SYTL2: variants seen among roughly 807,000 people sequenced by gnomAD.
SYTL2 encodes synaptotagmin like 2.
In SYTL2, 165 loss-of-function variants were observed where a neutral mutation model predicts 198.7. The ratio of observed to expected loss-of-function variants is 0.83; its 90% CI spans 0.73 to 0.94. SYTL2 has a LOEUF of 0.94. Ranked by LOEUF, SYTL2 falls within the 40% of genes least tolerant of loss-of-function variation. The probability of loss-of-function intolerance (pLI) is 0.00; values close to 1 mark genes in which losing one functional copy is unlikely to be tolerated. For synonymous variants in SYTL2, 966 were observed against 917.7 expected, an observed-to-expected ratio of 1.05 and a Z score of -0.95; for missense variants, 2,835 against 2,582.8, an observed-to-expected ratio of 1.10 and a Z score of -2.12.
intron 1 of SYTL2, among the ~76,000 whole-genome samples, chr11:85,809,778 A>G (rs929246716): frequency 2.6e-5 from 4 of 152,156 alleles, no homozygotes; most frequent in African/African-American, 9.7e-5. Flanking sequence ...TGCCGTCCCC[A>G]CACCTCTTCT....
At chr11:85,763,525 C>T (rs906236944) in intron 1 of SYTL2, among the ~76,000 whole-genome samples, 2 of 152,190 alleles carry the variant, frequency 1.3e-5, no homozygotes, top group Non-Finnish European at 2.9e-5. Flanking sequence ...CCAGCAGGCT[C>T]TGCTGTGAGG....
chr11:85,743,399 T>C (rs990259979), intron 4 of SYTL2, among the ~76,000 whole-genome samples: 1 of 152,228 alleles, frequency 6.6e-6, no homozygotes, highest in African/African-American at 2.4e-5. Flanking sequence ...GAGCAAAGCA[T>C]CCTGGATACG....
chr11:85,708,217 T>A (rs1455150849), intron 14 of SYTL2: 1 of 379,642 alleles, frequency 2.6e-6, no homozygotes, highest in Non-Finnish European at 5.1e-6. Context: ...TTTGTTCCCC[T>A]AGTTTGTTCC....
intron 4 of SYTL2, among the ~76,000 whole-genome samples, chr11:85,738,245 C>G (rs1038048754): frequency 3.9e-5 from 6 of 152,304 alleles, no homozygotes; most frequent in African/African-American, 1.2e-4. Context: ...TTCCTGCAGC[C>G]TCATTTCTTT....
At chr11:85,710,160 C>G (rs1257447634) in intron 13 of SYTL2, among the ~76,000 whole-genome samples, 1 of 152,050 alleles carries the variant, frequency 6.6e-6, no homozygotes, top group African/African-American at 2.4e-5. Context: ...GTGAGAAAAC[C>G]CAGACACTCT....
chr11:85,749,461 A>C (rs1307899394), intron 2 of SYTL2, among the ~76,000 whole-genome samples: 1 of 152,218 alleles, frequency 6.6e-6, no homozygotes, highest in African/African-American at 2.4e-5. Flanking sequence ...AGGTGGTAGC[A>C]GCGCTGCATG....
the SYTL2 span, among the ~76,000 whole-genome samples, chr11:85,851,356 G>C: frequency 1.3e-5 from 2 of 152,158 alleles, no homozygotes; most frequent in Non-Finnish European, 2.9e-5. Flanking sequence ...GAACTGGTTC[G>C]CAAAGGCAGT....
chr11:85,850,358 G>A, the SYTL2 span, among the ~76,000 whole-genome samples: 10 of 152,132 alleles, frequency 6.6e-5, no homozygotes, highest in South Asian at 8.3e-4. Context: ...ATCAAAAAGC[G>A]GGCAAAGGAC....
Position 85,733,993 on chromosome 11 carries a change from C to T in SYTL2, c.1336G>A (p.Asp446Asn). The part of the protein sequence containing the change: ...ENSPTINEPK[D>N]KSSELTRLES... ...AGCCTTGTTAATTCTGATGATTTAT[C>T]TTTGGGTTCATTGATGGTTGGTGAA... The change falls in exon 7 of 20, where the codon GAT (aspartate) becomes AAT (asparagine). Residue 446 changes from aspartate to asparagine, a missense_variant. Coordinates refer to ENST00000359152, the MANE Select transcript of SYTL2 (RefSeq NM_206927.4). The T allele has an allele frequency of 6.2e-7, 1 of 1,614,128 alleles. No individual in the cohort carries two copies. Among genetic ancestry groups the T allele is most frequent in the African/African-American group, 1.3e-5 (1 of 75,048 alleles).
chr11:85,711,571 T>C (rs1018321110), intron 12 of SYTL2, among the ~76,000 whole-genome samples: 3 of 152,208 alleles, frequency 2.0e-5, no homozygotes, highest in Non-Finnish European at 4.4e-5. Flanking sequence ...GGAACTCTAT[T>C]GGTATATATG....
chr11:85,830,712 G>A, the SYTL2 span, among the ~76,000 whole-genome samples: 5 of 152,318 alleles, frequency 3.3e-5, no homozygotes, highest in South Asian at 8.3e-4. Context: ...ATCCTGTGGT[G>A]GGACAATTTT....
Position 85,711,174 on chromosome 11 carries a change from T to C in SYTL2, c.5684A>G (p.Lys1895Arg). The C allele has an allele frequency of 1.9e-6, 3 of 1,614,064 alleles. No homozygotes were observed. The highest frequency in any genetic ancestry group is 2.5e-6 in the Non-Finnish European group (3 of 1,179,914). ...SESSYQLSRH[K>R]KSPSSLTNLS... ...ATTGGTTAAAGAGCTCGGGCTCTTC[T>C]TGTGTCTGCTGAGCTGGTAACTGCT... The change falls in exon 13 of 20, where the codon AAG becomes AGG. Residue 1895 changes from lysine (K) to arginine (R), a missense_variant. Lys to Arg is a conservative substitution (Grantham distance 26, BLOSUM62 2). Around this residue, in one of 3 missense-constraint regions of SYTL2, gnomAD observed 2,645 missense variants for 2,381.7 expected, o/e 1.11. Transcript: ENST00000359152.
chr11:85,765,646 C>T (rs1184668649), intron 1 of SYTL2, among the ~76,000 whole-genome samples: 2 of 152,190 alleles, frequency 1.3e-5, no homozygotes, highest in East Asian at 1.9e-4. Context: ...CTTTCTACTT[C>T]ATTCATCTCC....
At chr11:85,833,102 G>GAAAGAAAGAAAGAAA in the SYTL2 span, among the ~76,000 whole-genome samples, 1 of 28,240 alleles carries the variant, frequency 3.5e-5, no homozygotes, top group East Asian at 9.0e-4. Context: ...AAAGAAAGAA[G>GAAAGAAAGAAAGAAA]GAAGGAAGGA....
Position 85,702,858 on chromosome 11 carries a change from C to T in SYTL2, c.6189+2000G>A, listed in dbSNP as rs112023363. Among the ~76,000 whole-genome samples, 177 of 152,196 alleles carry T rather than the reference C, an allele frequency of 1.2e-3. 1 individual carries two copies. Among genetic ancestry groups the T allele is most frequent in the African/African-American group, 3.7e-3 (152 of 41,530 alleles). On this transcript the variant is annotated intron_variant, in intron 16 of 19. Coordinates refer to ENST00000359152, the MANE Select transcript of SYTL2 (RefSeq NM_206927.4). Reference sequence around the variant, plus strand: ...GCAGGACTCACAAATGTTTAAGATACTGGAATTTTTAAGTACATACATTAA... The same window carrying T: ...GCAGGACTCACAAATGTTTAAGATATTGGAATTTTTAAGTACATACATTAA...
At position 85,714,616 on chromosome 11, in the gene SYTL2, T is replaced by C. The variant is rs1028946541; in HGVS notation, c.5531-109A>G. ...TAATCTATGAACAAACATGTTTTTG[T>C]AAAAAAGTTAAAGGCAGAGTAGTCC... On this transcript the variant is annotated intron_variant, in intron 11 of 19. Transcript: ENST00000359152. The C allele has an allele frequency of 2.0e-5, 29 of 1,462,680 alleles. No individual in the cohort carries two copies. In the Admixed American group the frequency reaches 4.8e-4, roughly 24 times the overall value. The allele number at this position is 1,462,680 out of a possible 1,614,324, so 90.6% of individuals were successfully genotyped here. A position where few individuals can be genotyped will look rare whatever the true frequency, so the allele number is the denominator to read the frequency against.
intron 14 of SYTL2, 71 bp downstream of exon 14, chr11:85,709,260 T>C: frequency 6.7e-7 from 1 of 1,495,408 alleles, no homozygotes; most frequent in Non-Finnish European, 9.3e-7. Context: ...ATTACTTTAT[T>C]TCCTTCCAAT....
chr11:85,696,538 AG>A, intron 18 of SYTL2, 150 bp from the exon 19 acceptor site: 1 of 672,746 alleles, frequency 1.5e-6, no homozygotes, highest in Non-Finnish European at 2.6e-6. Flanking sequence ...ACAGTGGGGT[AG>A]GGGGTAGGAA....
the SYTL2 span, among the ~76,000 whole-genome samples, chr11:85,828,376 T>C: frequency 1.3e-5 from 2 of 152,354 alleles, no homozygotes; most frequent in East Asian, 3.9e-4. Flanking sequence ...TTAGATAGTA[T>C]TACTCAAACA....
Sources: allele counts gnomAD v4.1 joint callset (sites outside exome capture counted in the v4.1 genomes callset), GRCh38; gene constraint gnomAD v4.1.1; regional missense constraint gnomAD v4.1.1; transcripts MANE v1.5; gene names NCBI Gene and HGNC (gene_info 2026-07-23, HGNC 2026-07-21).